Variants in CAMK2D observed in about 807,000 individuals in gnomAD.
CAMK2D encodes the protein calcium/calmodulin dependent protein kinase II delta.
A neutral mutation model predicts 84.0 loss-of-function variants in CAMK2D; 37 were observed. That is an observed-to-expected ratio of 0.44 (90% CI 0.34 to 0.58). The LOEUF is 0.58. Among genes scored for constraint, CAMK2D ranks in the 20% least tolerant of loss-of-function variants. The probability of loss-of-function intolerance (pLI) is 0.02; values close to 1 mark genes in which losing one functional copy is unlikely to be tolerated. For missense variants in CAMK2D, 448 were observed against 652.5 expected (o/e 0.69, Z 3.41); for synonymous variants, 202 against 212.5 (o/e 0.95, Z 0.43).
chr4:113,642,894 A>G (rs1369472483), intron 3 of CAMK2D, among the ~76,000 whole-genome samples: 1 of 152,154 alleles, frequency 6.6e-6, no homozygotes, highest in Non-Finnish European at 1.5e-5. Flanking sequence ...TGGTTGCAAT[A>G]AGAGTTTGGG....
At chr4:113,502,567 G>A (rs904267347) in intron 15 of CAMK2D, among the ~76,000 whole-genome samples, 3 of 149,454 alleles carry the variant, frequency 2.0e-5, no homozygotes, top group Admixed American at 1.3e-4. Flanking sequence ...TGAAGACAAT[G>A]GAATATTGCC....
In CAMK2D at chr4:113,465,380, G is replaced by A. The variant is rs533008416; in HGVS notation, c.1211+149C>T. On this transcript the variant is annotated intron_variant, in intron 17 of 20. Coordinates refer to ENST00000511664, the MANE Select transcript of CAMK2D (RefSeq NM_001321571.2). ...TTTCTCTGAAATTTTTCTCTCCTAGGGGCACTTAGTCATTTATGAAATAAA... is the reference window on the plus strand; with the variant it reads ...TTTCTCTGAAATTTTTCTCTCCTAGAGGCACTTAGTCATTTATGAAATAAA... 2.0e-4 allele frequency: 113 copies of A among 570,716 alleles called. 2 individuals carry two copies. The East Asian group carries it at 2.3e-3, about 12-fold the overall frequency. 35.4% of individuals were successfully genotyped at this position (570,716 alleles called of 1,614,324 possible).
intron 15 of CAMK2D, among the ~76,000 whole-genome samples, chr4:113,502,062 TAA>T (rs2098055525): frequency 6.6e-6 from 1 of 152,142 alleles, no homozygotes; most frequent in African/African-American, 2.4e-5. Flanking sequence ...ACATCATTGA[TAA>T]GAGTATGGAG....
intron 5 of CAMK2D, among the ~76,000 whole-genome samples, chr4:113,550,064 TAAAG>T (rs1384352307): frequency 1.3e-5 from 2 of 152,206 alleles, no homozygotes; most frequent in Admixed American, 6.5e-5. Context: ...TAACAGAAGA[TAAAG>T]AAGTAAACAA....
At chr4:113,612,179 G>A (rs1007904963) in intron 3 of CAMK2D, among the ~76,000 whole-genome samples, 2 of 152,136 alleles carry the variant, frequency 1.3e-5, no homozygotes, top group Admixed American at 6.6e-5. Flanking sequence ...CTTTAAAAAT[G>A]TTTAACTCTT....
intron 2 of CAMK2D, among the ~76,000 whole-genome samples, chr4:113,736,978 G>A (rs1259900943): frequency 2.0e-5 from 3 of 152,086 alleles, no homozygotes; most frequent in African/African-American, 7.2e-5. Context: ...TACGCATCAT[G>A]ATGTATACTC....
intron 2 of CAMK2D, among the ~76,000 whole-genome samples, chr4:113,756,667 T>C (rs190855101): frequency 6.6e-6 from 1 of 152,230 alleles, no homozygotes; most frequent in African/African-American, 2.4e-5. Flanking sequence ...TTATTTTCAG[T>C]ATTTGCTTGT....
In CAMK2D at chr4:113,497,867, G is replaced by A. The variant is rs114061715; in HGVS notation, c.1135+2596C>T. On this transcript the variant is annotated intron_variant, in intron 16 of 20. Transcript: ENST00000511664. The stretch of plus-strand genomic sequence containing the variant: ...GCAGCAATGGGTAGAGCAAGTGCTC[G>A]CATGCAGAAGTATGTATGGGGGTAT... 1.2e-3 allele frequency among the ~76,000 whole-genome samples: 180 copies of A among 152,342 alleles called. 1 individual carries two copies. Among genetic ancestry groups the A allele is most frequent in the African/African-American group, 4.0e-3 (168 of 41,572 alleles).
chr4:113,689,737 T>C (rs1384852539), intron 2 of CAMK2D, among the ~76,000 whole-genome samples: 3 of 152,210 alleles, frequency 2.0e-5, no homozygotes, highest in African/African-American at 7.2e-5. Flanking sequence ...TGGAATCACA[T>C]CACTTTTGTT....
chr4:113,501,633 A>G (rs983428029), intron 15 of CAMK2D, among the ~76,000 whole-genome samples: 9 of 152,130 alleles, frequency 5.9e-5, no homozygotes, highest in Non-Finnish European at 1.3e-4. Flanking sequence ...AAACCAAAGA[A>G]AGGAATCTTC....
chr4:113,674,658 A>G (rs1265466842), intron 2 of CAMK2D, among the ~76,000 whole-genome samples: 1 of 152,214 alleles, frequency 6.6e-6, no homozygotes, highest in East Asian at 1.9e-4. Context: ...GGAAATTAAC[A>G]GATCTACTGC....
chr4:113,640,711 A>T (rs959329261), intron 3 of CAMK2D, among the ~76,000 whole-genome samples: 59 of 152,184 alleles, frequency 3.9e-4, no homozygotes, highest in Admixed American at 3.3e-4. Flanking sequence ...CTGAAAGCAG[A>T]CGCTTAGAAA....
At chr4:113,568,992 C>T (rs1268986585) in intron 4 of CAMK2D, among the ~76,000 whole-genome samples, 1 of 151,546 alleles carries the variant, frequency 6.6e-6, no homozygotes, top group Non-Finnish European at 1.5e-5. Context: ...GATATTAACC[C>T]CTTACTAGAT....
At chr4:113,550,326 C>T (rs1283369619) in intron 5 of CAMK2D, among the ~76,000 whole-genome samples, 1 of 152,116 alleles carries the variant, frequency 6.6e-6, no homozygotes, top group Non-Finnish European at 1.5e-5. Context: ...GTGCATGCTG[C>T]CACACCTGGC....
chr4:113,497,874 G>C (rs1426810996), intron 16 of CAMK2D, among the ~76,000 whole-genome samples: 1 of 152,258 alleles, frequency 6.6e-6, no homozygotes, highest in African/African-American at 2.4e-5. Flanking sequence ...CTCGCATGCA[G>C]AAGTATGTAT....
intron 7 of CAMK2D, 31 bp from the exon 8 acceptor site, chr4:113,531,330 T>C (rs1224779610): frequency 9.0e-7 from 1 of 1,109,052 alleles, no homozygotes; most frequent in African/African-American, 1.5e-5. Flanking sequence ...TGAGTCACAG[T>C]TGATTTGACA....
intron 3 of CAMK2D, among the ~76,000 whole-genome samples, chr4:113,616,573 A>T (rs2099022222): frequency 6.6e-6 from 1 of 152,216 alleles, no homozygotes; most frequent in African/African-American, 2.4e-5. Context: ...CAACCTGGGA[A>T]GAAATTAGAA....
At position 113,458,204 on chromosome 4, in the gene CAMK2D, T is replaced by C. The variant is rs890991042; in HGVS notation, c.1307-641A>G. Among the ~76,000 whole-genome samples, 6 of 152,168 alleles carry C rather than the reference T, an allele frequency of 3.9e-5. No individual in the cohort carries two copies. The South Asian group carries it at 1.0e-3, about 26-fold the overall frequency. On this transcript the variant is annotated intron_variant, in intron 18 of 20. Transcript: ENST00000511664. ...ACATTCAAAATGTGGTGTTGGCACA[T>C]AGCCTGATTCTGGTCTTCCAGCTCT... is the stretch of plus-strand genomic sequence containing the variant.
intron 2 of CAMK2D, among the ~76,000 whole-genome samples, chr4:113,697,447 A>G (rs2099406254): frequency 1.3e-5 from 2 of 152,252 alleles, no homozygotes; most frequent in African/African-American, 4.8e-5. Context: ...TTTGAATTTG[A>G]ATGTAAAAAT....
Sources: allele counts gnomAD v4.1 joint callset (sites outside exome capture counted in the v4.1 genomes callset), GRCh38; gene constraint gnomAD v4.1.1; transcripts MANE v1.5; gene names NCBI Gene and HGNC (gene_info 2026-07-23, HGNC 2026-07-21).